The following TMEM184A variants were observed in gnomAD, a reference collection of about 807,000 sequenced individuals.
The protein encoded by TMEM184A is sexually dimorphic, expressed in male gonads 1.
TMEM184A carries 40 observed loss-of-function variants against 39.5 expected under a neutral mutation model. The ratio of observed to expected loss-of-function variants is 1.01; its 90% confidence interval spans 0.79 to 1.32. TMEM184A has a LOEUF of 1.32. Among genes scored for constraint, TMEM184A ranks in the 40% most tolerant of loss-of-function variants. TMEM184A has a pLI of 0.00. For synonymous variants in TMEM184A, 280 were observed against 252.3 expected (o/e 1.11, Z -1.04); for missense variants, 603 against 568.8 (o/e 1.06, Z -0.61).
In TMEM184A at chr7:1,543,950, C is replaced by T. The variant is rs1784263869; in HGVS notation, c.*3002G>A. On this transcript the variant is annotated 3_prime_UTR_variant, in exon 9 of 9. Transcript: ENST00000297477. ...ACCCGATCATAATCCCAACTCGCAG[C>T]ATCTGTGTGGCCTGGGGCCAGTTCC... 6.6e-6 allele frequency: 1 copy of T among 152,280 alleles called. No individual in the cohort carries two copies. The highest frequency in any genetic ancestry group is 1.5e-5 in the Non-Finnish European group (1 of 68,096). 9.4% of individuals were successfully genotyped at this position (152,280 alleles called of 1,614,324 possible).
chr7:1,555,466 T>C lies in TMEM184A; in HGVS notation c.19A>G (p.Ile7Val). Residue 7 changes from isoleucine to valine, a missense_variant, in exon 2 of 9, where the codon ATC becomes GTC. Ile to Val is a conservative substitution (Grantham distance 29). Coordinates refer to ENST00000297477, the MANE Select transcript of TMEM184A (RefSeq NM_001097620.2). The surrounding 1 kb of genome is among the most constrained non-coding windows in gnomAD (Gnocchi z 5.2). ...AGGGGGACGCCGGCTGTCTCCAGGATCCCTGAGACATTACTCATCTGCAGA... is the reference window on the plus strand; with the variant it reads ...AGGGGGACGCCGGCTGTCTCCAGGACCCCTGAGACATTACTCATCTGCAGA... MSNVSG[I>V]LETAGVPLVS... The C allele has an allele frequency of 6.2e-7, 1 of 1,607,254 alleles. No individual in the cohort carries two copies. Among genetic ancestry groups the C allele is most frequent in the Non-Finnish European group, 8.5e-7 (1 of 1,179,672 alleles).
At chr7:1,548,197 G>A (rs889085065) in intron 7 of TMEM184A, among the ~76,000 whole-genome samples, 1 of 152,208 alleles carries the variant, frequency 6.6e-6, no homozygotes, top group Non-Finnish European at 1.5e-5. Flanking sequence ...CTGTCTGGTG[G>A]CCATCCTCCT....
chr7:1,547,677 C>T, intron 8 of TMEM184A, 65 bp downstream of exon 8: 2 of 1,513,172 alleles, frequency 1.3e-6, no homozygotes, highest in South Asian at 2.4e-5. Flanking sequence ...ATGGCACGGA[C>T]ACAGACACGG....
rs1271221886 is a variant in TMEM184A, at chr7:1,544,974, T to C, written c.*1978A>G. Reference sequence around the variant, plus strand: ...ACATAGGGGCTCAGCCCCTGACACCTCAGCCTCTGCCGCCCGGAGCCCAGG... The same window carrying C: ...ACATAGGGGCTCAGCCCCTGACACCCCAGCCTCTGCCGCCCGGAGCCCAGG... On this transcript the variant is annotated 3_prime_UTR_variant, in exon 9 of 9. Transcript: ENST00000297477. 2.0e-5 allele frequency: 3 copies of C among 152,212 alleles called. No homozygotes were observed. Among genetic ancestry groups the C allele is most frequent in the Non-Finnish European group, 4.4e-5 (3 of 68,050 alleles). 9.4% of individuals were successfully genotyped at this position (152,212 alleles called of 1,614,324 possible).
chr7:1,550,690 G>T, intron 3 of TMEM184A, 127 bp downstream of exon 3: 2 of 1,238,876 alleles, frequency 1.6e-6, no homozygotes, highest in East Asian at 2.4e-5. Flanking sequence ...TGACTATCCT[G>T]GCAGCCCCTC....
rs1784363947 is a variant in TMEM184A, at chr7:1,546,891, C to A, written c.*61G>T. The A allele has an allele frequency of 1.7e-6, 2 of 1,207,246 alleles. No homozygotes were observed. The highest frequency in any genetic ancestry group is 2.2e-6 in the Non-Finnish European group (2 of 890,354). 74.8% of individuals were successfully genotyped at this position (1,207,246 alleles called of 1,614,324 possible). A position where few individuals can be genotyped will look rare whatever the true frequency, so the allele number is the denominator to read the frequency against. On this transcript the variant is annotated 3_prime_UTR_variant, in exon 9 of 9. Coordinates refer to ENST00000297477, the MANE Select transcript of TMEM184A (RefSeq NM_001097620.2). Reference sequence around the variant, plus strand: ...GCAGGAGTTGGTGGGTGGGGGGACCCTGTTCTTCCCCAGAGGCCTGGGCAG... The same window carrying A: ...GCAGGAGTTGGTGGGTGGGGGGACCATGTTCTTCCCCAGAGGCCTGGGCAG...
rs922593436 is a variant in TMEM184A, at chr7:1,544,669, T to A, written c.*2283A>T. 1 of 152,112 alleles carries A rather than the reference T, an allele frequency of 6.6e-6. No homozygotes were observed. The highest frequency in any genetic ancestry group is 2.4e-5 in the African/African-American group (1 of 41,424). The allele number at this position is 152,112 out of a possible 1,614,324, so 9.4% of individuals were successfully genotyped here. ...CTCAGGGCTTTCCTTCGAGTCGTGT[T>A]GGAAAGAAGCAGAAGCAGCCTCACC... On this transcript the variant is annotated 3_prime_UTR_variant, in exon 9 of 9. Coordinates refer to ENST00000297477, the MANE Select transcript of TMEM184A (RefSeq NM_001097620.2).
Position 1,542,338 on chromosome 7 carries a change from G to A in TMEM184A, c.*4614C>T, listed in dbSNP as rs1038928861. The A allele has an allele frequency of 4.6e-5, 7 of 152,610 alleles. No homozygotes were observed. Among genetic ancestry groups the A allele is most frequent in the South Asian group, 2.1e-4 (1 of 4,834 alleles). The allele number at this position is 152,610 out of a possible 1,614,324, so 9.5% of individuals were successfully genotyped here. On this transcript the variant is annotated 3_prime_UTR_variant, in exon 9 of 9. Coordinates refer to ENST00000297477, the MANE Select transcript of TMEM184A (RefSeq NM_001097620.2). ...TCTATCAGAGCAGAGCCGGGGGCAC[G>A]GGCACAGGTGGGAGTTGGGAGCAAA...
rs1219738702 is a variant in TMEM184A at position 1,555,534 on chromosome 7, TGGCTCCC to T, written c.1-57_1-51del. 6.9e-7 allele frequency: 1 copy of T among 1,455,924 alleles called. No individual in the cohort carries two copies. Among genetic ancestry groups the T allele is most frequent in the Admixed American group, 1.7e-5 (1 of 59,608 alleles). 90.2% of individuals were successfully genotyped at this position (1,455,924 alleles called of 1,614,324 possible). On this transcript the variant is annotated intron_variant, in intron 1 of 8. Transcript: ENST00000297477. This position sits in a 1 kb window ranked among gnomAD's most constrained non-coding sequence, Gnocchi z 5.2. ...CCGGGAGGAGTGAGGGCAAAGGTAC[TGGCTCCC>T]GGCAGCAGGAAGCAGCGGGGGAGGG...
rs564949567 is a variant in TMEM184A, at chr7:1,551,072, C to T, written c.220-90G>A. Reference sequence around the variant, plus strand: ...GCCGGGAAGGAGGTGGGGGTGGGTGCAGGAGGGTTTGGGTGAGAGCCAGGT... The same window carrying T: ...GCCGGGAAGGAGGTGGGGGTGGGTGTAGGAGGGTTTGGGTGAGAGCCAGGT... On this transcript the variant is annotated intron_variant, in intron 2 of 8. Coordinates refer to ENST00000297477, the MANE Select transcript of TMEM184A (RefSeq NM_001097620.2). 3.3e-5 allele frequency: 47 copies of T among 1,425,708 alleles called. No individual in the cohort carries two copies. In the African/African-American group the frequency reaches 6.4e-4, roughly 19 times the overall value. 88.3% of individuals were successfully genotyped at this position (1,425,708 alleles called of 1,614,324 possible).
In TMEM184A at chr7:1,543,565, C is replaced by G. The variant is rs369955863; in HGVS notation, c.*3387G>C. 1 of 152,360 alleles carries G rather than the reference C, an allele frequency of 6.6e-6. No homozygotes were observed. The highest frequency in any genetic ancestry group is 1.5e-5 in the Non-Finnish European group (1 of 68,156). 9.4% of individuals were successfully genotyped at this position (152,360 alleles called of 1,614,324 possible). ...CGTCCCCACCCCGCCCGGCCTTCCCCGTTTTTGGGGCTGAGCTGACCGAGG... is the reference window on the plus strand; with the variant it reads ...CGTCCCCACCCCGCCCGGCCTTCCCGGTTTTTGGGGCTGAGCTGACCGAGG... On this transcript the variant is annotated 3_prime_UTR_variant, in exon 9 of 9. Transcript: ENST00000297477.
intron 2 of TMEM184A, among the ~76,000 whole-genome samples, chr7:1,552,492 C>A (rs1784642513): frequency 6.6e-6 from 1 of 151,000 alleles, no homozygotes; most frequent in South Asian, 2.1e-4. Context: ...ATAACAGTCA[C>A]CATGTTGTAC....
At position 1,555,404 on chromosome 7, in the gene TMEM184A, C is replaced by T. The variant is rs765494943; in HGVS notation, c.81G>A (p.Pro27=). 97 of 1,611,684 alleles carry T rather than the reference C, an allele frequency of 6.0e-5. No individual in the cohort carries two copies. Among genetic ancestry groups the T allele is most frequent in the African/African-American group, 1.2e-4 (9 of 74,812 alleles). ...CCATCTGCGGCCCAGCTGGCACAGC[C>T]GGTGGGGGGCTGGGCTGCGGCCAGT... ...SANWPQPSPP[P]AVPAGPQMDH... Residue 27 remains proline, a synonymous_variant, in exon 2 of 9, where the codon CCG becomes CCA. Coordinates refer to ENST00000297477, the MANE Select transcript of TMEM184A (RefSeq NM_001097620.2). The surrounding 1 kb of genome is among the most constrained non-coding windows in gnomAD (Gnocchi z 5.2).
chr7:1,550,771 G>A (rs1784558096), intron 3 of TMEM184A, 46 bp downstream of exon 3: 1 of 1,604,108 alleles, frequency 6.2e-7, no homozygotes, highest in Admixed American at 1.7e-5. Context: ...AGGCCCCGGG[G>A]AGTCTCTCCC....
At chr7:1,549,084 G>A (rs1047446701) in intron 6 of TMEM184A, 5 of 481,830 alleles carry the variant, frequency 1.0e-5, no homozygotes, top group African/African-American at 9.8e-5. Flanking sequence ...GTGAGTGTGT[G>A]CACATAGGTG....
At chr7:1,547,689 G>C (rs770105020) in intron 8 of TMEM184A, 53 bp downstream of exon 8, 10 of 1,538,156 alleles carry the variant, frequency 6.5e-6, no homozygotes, top group Non-Finnish European at 8.0e-6. Context: ...CAGACACGGT[G>C]CCCGGGGCAG....
In TMEM184A at chr7:1,555,637, C is replaced by T; in HGVS notation, c.1-153G>A. The stretch of plus-strand genomic sequence containing the variant: ...GCACCCCCCACACGGACACCAGCGC[C>T]AGGCCCGGCTCCCTCCCTGCTCCGA... On this transcript the variant is annotated intron_variant, in intron 1 of 8. Transcript: ENST00000297477. This position sits in a 1 kb window ranked among gnomAD's most constrained non-coding sequence, Gnocchi z 5.2. The T allele has an allele frequency of 1.5e-6, 1 of 684,932 alleles. No individual in the cohort carries two copies. The highest frequency in any genetic ancestry group is 2.6e-6 in the Non-Finnish European group (1 of 385,258). The allele number at this position is 684,932 out of a possible 1,614,324, so 42.4% of individuals were successfully genotyped here.
chr7:1,548,297 C>T (rs1307559784), intron 7 of TMEM184A, among the ~76,000 whole-genome samples: 1 of 152,190 alleles, frequency 6.6e-6, no homozygotes, highest in African/African-American at 2.4e-5. Context: ...CTCTGTGCGA[C>T]CTCTCTCCAC....
chr7:1,547,159 G>A lies in TMEM184A; in HGVS notation c.1035C>T (p.Ser345=), dbSNP rs371641478. 462 of 1,605,868 alleles carry A rather than the reference G, an allele frequency of 2.9e-4. No homozygotes were observed. Among genetic ancestry groups the A allele is most frequent in the Non-Finnish European group, 3.8e-4 (446 of 1,178,802 alleles). ...CTGTCTCCCTGATGCCGCTGGAGAT[G>A]CTCTGCATGGGTGCCGGGGGGGCTG... ...NSPAPPAPMQ[S]ISSGIRETVS... is the part of the protein sequence containing the mutation. Residue 345 remains serine (S), a synonymous_variant, in exon 9 of 9, where the codon AGC becomes AGT. Coordinates refer to ENST00000297477, the MANE Select transcript of TMEM184A (RefSeq NM_001097620.2).
Sources: allele counts gnomAD v4.1 joint callset (sites outside exome capture counted in the v4.1 genomes callset), GRCh38; gene constraint gnomAD v4.1.1; non-coding constraint Gnocchi (gnomAD v3.1); transcripts MANE v1.5; gene names NCBI Gene and HGNC (gene_info 2026-07-23, HGNC 2026-07-21).